Variants in VSIG10 observed in about 807,000 individuals in gnomAD.
The protein encoded by VSIG10 is V-set and immunoglobulin domain-containing protein 10.
A neutral mutation model predicts 58.7 loss-of-function variants in VSIG10; 48 were observed. The ratio of observed to expected loss-of-function variants is 0.82; its 90% CI spans 0.65 to 1.04. The LOEUF is 1.04. VSIG10 is among the 50% of genes least tolerant of loss of function. The pLI is 0.00. For synonymous variants in VSIG10, 260 were observed against 267.1 expected (o/e 0.97, Z 0.26); for missense variants, 628 against 670.0 (o/e 0.94, Z 0.69).
chr12:118,085,013 C>G (rs968877723), intron 2 of VSIG10, among the ~76,000 whole-genome samples: 1 of 152,074 alleles, frequency 6.6e-6, no homozygotes, highest in African/African-American at 2.4e-5. Flanking sequence ...AGTGAGACTC[C>G]GTCTCGAACA....
intron 4 of VSIG10, among the ~76,000 whole-genome samples, chr12:118,078,937 T>TAAAAAAAAAAAAAAA (rs35469920): frequency 5.0e-4 from 20 of 39,914 alleles, no homozygotes; most frequent in African/African-American, 1.6e-3. Flanking sequence ...AGACTCTGCC[T>TAAAAAAAAAAAAAAA]AAAAAAAAAA....
At chr12:118,084,973 C>T (rs1014676347) in intron 2 of VSIG10, among the ~76,000 whole-genome samples, 79 of 152,070 alleles carry the variant, frequency 5.2e-4, no homozygotes, top group Non-Finnish European at 7.6e-4. Flanking sequence ...GAGCCGAGAT[C>T]GCGCCACTGC....
chr12:118,092,652 T>TTTA (rs2033332731), intron 2 of VSIG10, among the ~76,000 whole-genome samples: 1 of 151,174 alleles, frequency 6.6e-6, no homozygotes, highest in African/African-American at 2.4e-5. Context: ...TTTTTTTTTT[T>TTTA]GAGACAGGGT....
chr12:118,078,936 C>CAAAAAAAAAAAAAAAAAA lies in VSIG10; in HGVS notation c.925+409_925+410insTTTTTTTTTTTTTTTTTT, dbSNP rs2032832230. Among the ~76,000 whole-genome samples the CAAAAAAAAAAAAAAAAAA allele has an allele frequency of 3.8e-5, 2 of 51,984 alleles. 1 individual carries two copies. Among genetic ancestry groups the CAAAAAAAAAAAAAAAAAA allele is most frequent in the East Asian group, 2.0e-3 (2 of 976 alleles). The allele number at this position is 51,984 out of a possible 152,430, so 34.1% of individuals were successfully genotyped here. On this transcript the variant is annotated intron_variant, in intron 4 of 8. Coordinates refer to ENST00000359236, the MANE Select transcript of VSIG10 (RefSeq NM_019086.6). ...TCTGGGCAACAGAGCAAGACTCTGC[C>CAAAAAAAAAAAAAAAAAA]TAAAAAAAAAAAAAAAAAAAAAAAA...
chr12:118,103,996 G>A lies in VSIG10; in HGVS notation c.-325C>T, dbSNP rs759629523. 18 of 247,952 alleles carry A rather than the reference G, an allele frequency of 7.3e-5. No homozygotes were observed. The highest frequency in any genetic ancestry group is 1.3e-4 in the Non-Finnish European group (17 of 129,118). The allele number at this position is 247,952 out of a possible 1,614,324, so 15.4% of individuals were successfully genotyped here. On this transcript the variant is annotated 5_prime_UTR_variant, in exon 1 of 9. Coordinates refer to ENST00000359236, the MANE Select transcript of VSIG10 (RefSeq NM_019086.6). ...TCCCTCCCGCCTCCCAGCCAGGCGGGAGCCCAACTTCCTCTACCTTGGCCC... is the reference window on the plus strand; with the variant it reads ...TCCCTCCCGCCTCCCAGCCAGGCGGAAGCCCAACTTCCTCTACCTTGGCCC...
chr12:118,095,164 A>G (rs909857407), intron 2 of VSIG10, among the ~76,000 whole-genome samples: 2 of 152,068 alleles, frequency 1.3e-5, no homozygotes, highest in Admixed American at 1.3e-4. Context: ...TGGCCTCCCA[A>G]AGTGCTGGGA....
chr12:118,078,814 C>T (rs1233036865), intron 4 of VSIG10, among the ~76,000 whole-genome samples: 1 of 151,568 alleles, frequency 6.6e-6, no homozygotes, highest in Non-Finnish European at 1.5e-5. Context: ...TGGTGCACGC[C>T]TGTAGTCCCA....
chr12:118,083,422 A>T (rs1267933610), intron 2 of VSIG10, among the ~76,000 whole-genome samples: 2 of 151,836 alleles, frequency 1.3e-5, no homozygotes, highest in Non-Finnish European at 2.9e-5. Flanking sequence ...TACAAAAAAT[A>T]CCAAAATTAG....
chr12:118,078,936 C>CA (rs2032832230), intron 4 of VSIG10, among the ~76,000 whole-genome samples: 1 of 51,968 alleles, frequency 1.9e-5, no homozygotes, highest in East Asian at 1.0e-3. Flanking sequence ...AAGACTCTGC[C>CA]TAAAAAAAAA....
rs565488733 is a variant in VSIG10 at position 118,097,884 on chromosome 12, C to G, written c.80-2070G>C. On this transcript the variant is annotated intron_variant, in intron 1 of 8. Coordinates refer to ENST00000359236, the MANE Select transcript of VSIG10 (RefSeq NM_019086.6). ...GTTGCAGTGAGCCGATATTGTACCA[C>G]TGTACTCCAGCCTGGGTGACAAGAG... Among the ~76,000 whole-genome samples the G allele has an allele frequency of 7.9e-5, 12 of 152,292 alleles. No individual in the cohort carries two copies. In the South Asian group the frequency reaches 1.9e-3, roughly 24 times the overall value.
At chr12:118,069,701 A>C (rs1018361282) in intron 7 of VSIG10, among the ~76,000 whole-genome samples, 10 of 152,062 alleles carry the variant, frequency 6.6e-5, no homozygotes, top group Non-Finnish European at 1.0e-4. Context: ...TGCTGGGATT[A>C]CAGGCGTGAG....
At chr12:118,067,215 C>T (rs1315168559) in intron 8 of VSIG10, among the ~76,000 whole-genome samples, 3 of 151,936 alleles carry the variant, frequency 2.0e-5, no homozygotes, top group South Asian at 2.1e-4. Context: ...AGTAGAGACA[C>T]GTTTTGCCAT....
chr12:118,092,041 C>T (rs1183592376), intron 2 of VSIG10, among the ~76,000 whole-genome samples: 1 of 151,948 alleles, frequency 6.6e-6, no homozygotes, highest in African/African-American at 2.4e-5. Flanking sequence ...CAGGCGTGAG[C>T]CACCACATCC....
At position 118,082,274 on chromosome 12, in the gene VSIG10, T is replaced by A. The variant is rs1179613085; in HGVS notation, c.517A>T (p.Ser173Cys). 1.2e-6 allele frequency: 2 copies of A among 1,613,964 alleles called. No individual in the cohort carries two copies. Residue 173 changes from serine to cysteine, a missense_variant, in exon 3 of 9, where the codon AGC becomes TGC. Coordinates refer to ENST00000359236, the MANE Select transcript of VSIG10 (RefSeq NM_019086.6). ...AGGTTGTGGCCAAAGGACTCGCTGC[T>A]GGAATTCAGGGCCTGGAACCACCAT... ...VEWWFQALNS[S>C]SESFGHNLTV...
chr12:118,069,924 A>G (rs2032418087), intron 7 of VSIG10, among the ~76,000 whole-genome samples: 1 of 152,162 alleles, frequency 6.6e-6, no homozygotes, highest in Admixed American at 6.5e-5. Context: ...ACCCAGGTCC[A>G]ATGGTCTCAG....
chr12:118,082,493 A>G (rs1376692969), intron 2 of VSIG10, 64 bp from the exon 3 acceptor site: 1 of 1,467,912 alleles, frequency 6.8e-7, no homozygotes, highest in Non-Finnish European at 9.3e-7. Flanking sequence ...TTGCCTTACC[A>G]ACTCTAATAT....
At chr12:118,098,271 C>T (rs1040991365) in intron 1 of VSIG10, among the ~76,000 whole-genome samples, 1 of 141,000 alleles carries the variant, frequency 7.1e-6, no homozygotes, top group East Asian at 2.2e-4. Context: ...CTCCGCCTCT[C>T]CCTCTCTCTC....
At chr12:118,084,924 CAGG>C (rs1156913908) in intron 2 of VSIG10, among the ~76,000 whole-genome samples, 1 of 152,148 alleles carries the variant, frequency 6.6e-6, no homozygotes, top group Non-Finnish European at 1.5e-5. Flanking sequence ...GAGGCTGAGG[CAGG>C]AGAATGGTGT....
At chr12:118,093,921 T>C (rs977389142) in intron 2 of VSIG10, among the ~76,000 whole-genome samples, 8 of 151,622 alleles carry the variant, frequency 5.3e-5, no homozygotes, top group African/African-American at 1.9e-4. Flanking sequence ...AAAATAATAA[T>C]AATAAAATAA....
Sources: gnomAD v4.1 joint callset for allele counts (sites outside exome capture counted in the v4.1 genomes callset) on GRCh38, gnomAD v4.1.1 for gene constraint, MANE v1.5 for transcripts, NCBI Gene and HGNC (gene_info 2026-07-23, HGNC 2026-07-21) for gene names.